Variants in OTUD4 observed in about 807,000 individuals in gnomAD.
The protein encoded by OTUD4 is OTU deubiquitinase 4.
OTUD4 carries 24 observed loss-of-function variants against 130.4 expected under a neutral mutation model. That is an observed-to-expected ratio of 0.18 (90% CI 0.13 to 0.26). OTUD4 has a LOEUF of 0.26. OTUD4 is among the 10% of genes least tolerant of loss of function. OTUD4 has a pLI of 1.00. For missense variants in OTUD4, 1,031 were observed against 1,329.4 expected (o/e 0.78, Z 3.49); for synonymous variants, 420 against 472.5 (o/e 0.89, Z 1.44).
At position 145,135,242 on chromosome 4, in the gene OTUD4, CAGAA is replaced by C. The variant is rs1255577890; in HGVS notation, c.*2184_*2187del. On this transcript the variant is annotated 3_prime_UTR_variant, in exon 21 of 21. Transcript: ENST00000447906. Reference sequence around the variant, plus strand: ...TATCCTAGAGGTGAGATATGGGAAACAGAAAGCAAATCAGTGTTTCCTTCAGGAG... The same window carrying C: ...TATCCTAGAGGTGAGATATGGGAAACAGCAAATCAGTGTTTCCTTCAGGAG... 2 of 168,082 alleles carry C rather than the reference CAGAA, an allele frequency of 1.2e-5. No homozygotes were observed. Among genetic ancestry groups the C allele is most frequent in the Non-Finnish European group, 2.5e-5 (2 of 78,940 alleles). The allele number at this position is 168,082 out of a possible 1,614,324, so 10.4% of individuals were successfully genotyped here.
Position 145,180,458 on chromosome 4 carries a change from G to C in OTUD4, c.-485C>G, listed in dbSNP as rs1752642806. ...AGCCGAGGAAACCAAAAAGAAAGACGCGGCCTTTCGTTTCCCCACCTCGCT... is the reference window on the plus strand; with the variant it reads ...AGCCGAGGAAACCAAAAAGAAAGACCCGGCCTTTCGTTTCCCCACCTCGCT... On this transcript the variant is annotated 5_prime_UTR_variant, in exon 1 of 21. Transcript: ENST00000447906. Among the ~76,000 whole-genome samples the C allele has an allele frequency of 6.6e-6, 1 of 152,336 alleles. No homozygotes were observed. Among genetic ancestry groups the C allele is most frequent in the South Asian group, 2.1e-4 (1 of 4,828 alleles).
chr4:145,167,855 T>A (rs1255309614), intron 3 of OTUD4, among the ~76,000 whole-genome samples: 9 of 151,862 alleles, frequency 5.9e-5, no homozygotes, highest in Admixed American at 5.9e-4. Flanking sequence ...TGAAACTCCA[T>A]CTCTAAAAAA....
intron 3 of OTUD4, among the ~76,000 whole-genome samples, chr4:145,169,352 C>A (rs1752039909): frequency 6.6e-6 from 1 of 152,112 alleles, no homozygotes; most frequent in African/African-American, 2.4e-5. Flanking sequence ...CAAAATGCTC[C>A]ACTATTACTC....
At chr4:145,139,502 T>C (rs769432025) in intron 20 of OTUD4, among the ~76,000 whole-genome samples, 32 of 152,218 alleles carry the variant, frequency 2.1e-4, no homozygotes, top group Non-Finnish European at 3.7e-4. Flanking sequence ...TAGGAGGATG[T>C]ACACGTTATT....
intron 1 of OTUD4, among the ~76,000 whole-genome samples, chr4:145,177,157 T>C (rs1752467363): frequency 6.6e-6 from 1 of 152,240 alleles, no homozygotes; most frequent in East Asian, 1.9e-4. Flanking sequence ...ATTACTCGTA[T>C]GAATAAACCA....
In OTUD4 at chr4:145,150,536, G is replaced by A. The variant is rs1751018889; in HGVS notation, c.1236C>T (p.Ser412=). 3 of 1,607,750 alleles carry A rather than the reference G, an allele frequency of 1.9e-6. No homozygotes were observed. Among genetic ancestry groups the A allele is most frequent in the Middle Eastern group, 1.7e-4 (1 of 6,046 alleles). ...QKFSSEHKNL[S]RTPSQIIRKP... is the part of the protein sequence containing the mutation. ...ACCTTATGATCTGTGAAGGTGTCCG[G>A]CTAAGATTTTTGTGCTCACTGGAGA... The change falls in exon 13 of 21, where the codon AGC becomes AGT. Residue 412 remains serine, a synonymous_variant. Coordinates refer to ENST00000447906, the MANE Select transcript of OTUD4 (RefSeq NM_001366057.1).
At chr4:145,175,944 G>A (rs925027183) in intron 1 of OTUD4, among the ~76,000 whole-genome samples, 3 of 151,704 alleles carry the variant, frequency 2.0e-5, no homozygotes, top group Non-Finnish European at 2.9e-5. Context: ...TCAGCTCACC[G>A]CAACCTCCGC....
chr4:145,153,354 C>A (rs559278027), intron 10 of OTUD4, among the ~76,000 whole-genome samples: 6 of 152,232 alleles, frequency 3.9e-5, no homozygotes, highest in African/African-American at 1.4e-4. Context: ...AGCAATATGA[C>A]CTTGGGCAAG....
At chr4:145,157,087 G>C (rs192793455) in intron 7 of OTUD4, among the ~76,000 whole-genome samples, 1 of 152,068 alleles carries the variant, frequency 6.6e-6, no homozygotes, top group Non-Finnish European at 1.5e-5. Flanking sequence ...AGGTGCTAGG[G>C]TCTAGCATTT....
At chr4:145,163,563 A>G (rs933723160) in intron 5 of OTUD4, among the ~76,000 whole-genome samples, 3 of 152,162 alleles carry the variant, frequency 2.0e-5, no homozygotes, top group South Asian at 2.1e-4. Context: ...ATAAAAAACT[A>G]TAATAGTCTA....
chr4:145,158,584 A>C (rs1751408931), intron 7 of OTUD4, among the ~76,000 whole-genome samples: 1 of 152,188 alleles, frequency 6.6e-6, no homozygotes, highest in African/African-American at 2.4e-5. Flanking sequence ...TAGATATCCT[A>C]AGCCTTAAGT....
intron 1 of OTUD4, among the ~76,000 whole-genome samples, chr4:145,179,255 C>T (rs745679935): frequency 7.2e-4 from 109 of 152,142 alleles, no homozygotes; most frequent in Non-Finnish European, 1.4e-3. Context: ...CAAGACAAAT[C>T]CTTCAAAATA....
chr4:145,173,882 T>C (rs1302594006), intron 2 of OTUD4, among the ~76,000 whole-genome samples: 1 of 152,224 alleles, frequency 6.6e-6, no homozygotes, highest in Non-Finnish European at 1.5e-5. Flanking sequence ...CTTACATAAT[T>C]ATAATGTTCT....
intron 13 of OTUD4, among the ~76,000 whole-genome samples, chr4:145,149,289 C>T (rs1750962123): frequency 6.6e-6 from 1 of 152,156 alleles, no homozygotes; most frequent in Non-Finnish European, 1.5e-5. Context: ...AAGTAGGAGG[C>T]AAGCATGGAA....
At chr4:145,155,359 A>G (rs1751235396) in intron 10 of OTUD4, 52 bp downstream of exon 10, 1 of 1,484,828 alleles carries the variant, frequency 6.7e-7, no homozygotes, top group Non-Finnish European at 9.3e-7. Flanking sequence ...TTTGTATTAG[A>G]AAAAGCAAAG....
Position 145,180,188 on chromosome 4 carries a change from G to T in OTUD4, c.-215C>A, listed in dbSNP as rs147632413. The T allele has an allele frequency of 1.4e-3, 256 of 176,974 alleles. 1 individual carries two copies. The highest frequency in any genetic ancestry group is 5.3e-3 in the African/African-American group (221 of 42,024). 11.0% of individuals were successfully genotyped at this position (176,974 alleles called of 1,614,324 possible). A position where few individuals can be genotyped will look rare whatever the true frequency, so the allele number is the denominator to read the frequency against. On this transcript the variant is annotated 5_prime_UTR_variant, in exon 1 of 21. Transcript: ENST00000447906. ...AATGCATGGCTGTCCGCACGCGGCC[G>T]CCTCCTCGGAGCGAACACGCGCCCA...
Position 145,174,751 on chromosome 4 carries a change from A to G in OTUD4, c.160-7T>C. 1 of 1,555,690 alleles carries G rather than the reference A, an allele frequency of 6.4e-7. No homozygotes were observed. The highest frequency in any genetic ancestry group is 8.9e-7 in the Non-Finnish European group (1 of 1,126,996). Reference sequence around the variant, plus strand: ...GAGACTGAGAGTGCAATACCTAAAAAGAAAAGGCAACAAACACACTATTAA... The same window carrying G: ...GAGACTGAGAGTGCAATACCTAAAAGGAAAAGGCAACAAACACACTATTAA... On this transcript the variant is annotated splice_polypyrimidine_tract_variant and splice_region_variant and intron_variant, in intron 1 of 20. Transcript: ENST00000447906.
At chr4:145,164,039 A>T in intron 5 of OTUD4, 115 bp downstream of exon 5, 1 of 593,050 alleles carries the variant, frequency 1.7e-6, no homozygotes, top group South Asian at 1.9e-5. Flanking sequence ...GAATACCATA[A>T]CCTTAATACA....
intron 7 of OTUD4, 179 bp downstream of exon 7, chr4:145,159,324 A>T: frequency 7.0e-7 from 1 of 1,427,900 alleles, no homozygotes; most frequent in Non-Finnish European, 9.1e-7. Flanking sequence ...ACAGTCCCAT[A>T]ATAGAAATTA....
Sources: gnomAD v4.1 joint callset for allele counts (sites outside exome capture counted in the v4.1 genomes callset) on GRCh38, gnomAD v4.1.1 for gene constraint, MANE v1.5 for transcripts, NCBI Gene and HGNC (gene_info 2026-07-23, HGNC 2026-07-21) for gene names.